Variants in TAB2 observed in about 807,000 individuals in gnomAD.
TAB2 encodes TGF-beta activated kinase 1 (MAP3K7) binding protein 2, also known as TGF-beta-activated kinase 1 and MAP3K7-binding protein 2.
In TAB2, 3 loss-of-function variants were observed where a neutral mutation model predicts 65.0. That is an observed-to-expected ratio of 0.05 (90% CI 0.02 to 0.12). TAB2 has a LOEUF of 0.12. Ranked by LOEUF, TAB2 falls within the 10% of genes least tolerant of loss-of-function variation. The pLI is 1.00. For synonymous variants in TAB2, 298 were observed against 285.1 expected, an observed-to-expected ratio of 1.05 and a Z score of -0.46; for missense variants, 623 against 840.3, an observed-to-expected ratio of 0.74 and a Z score of 3.20.
chr6:149,358,012 A>C (rs1780724168), intron 1 of TAB2, among the ~76,000 whole-genome samples: 1 of 152,132 alleles, frequency 6.6e-6, no homozygotes, highest in South Asian at 2.1e-4. Context: ...TTTCATGTAT[A>C]TCTTTACATG....
chr6:149,260,193 A>G (rs9377201), intron 1 of TAB2, among the ~76,000 whole-genome samples: 25,770 of 152,176 alleles, frequency 0.17, 2,314 homozygotes, highest in East Asian at 0.27. Context: ...CGGCTCAGGC[A>G]CCACCTCATC....
At chr6:149,254,223 C>T (rs1777957452) in intron 1 of TAB2, among the ~76,000 whole-genome samples, 1 of 152,076 alleles carries the variant, frequency 6.6e-6, no homozygotes, top group South Asian at 2.1e-4. Context: ...CAAAGACCTC[C>T]AGGGGAATGA....
intron 1 of TAB2, among the ~76,000 whole-genome samples, chr6:149,300,015 T>C (rs1261388154): frequency 6.6e-6 from 1 of 151,984 alleles, no homozygotes; most frequent in Non-Finnish European, 1.5e-5. Flanking sequence ...AAAAAGAAAT[T>C]TTTTTTTAAA....
chr6:149,378,153 T>G lies in TAB2; in HGVS notation c.238T>G (p.Leu80Val). The change falls in exon 3 of 7, where the codon TTG becomes GTG. Residue 80 changes from leucine (L) to valine (V), a missense_variant. By Grantham distance (32) the Leu-to-Val change is conservative (BLOSUM62 1). This residue lies in a region of TAB2 where 550 missense variants were observed against 665.7 expected (regional missense o/e 0.83). Coordinates refer to ENST00000637181, the MANE Select transcript of TAB2 (RefSeq NM_001292034.3). ...GLRNHMTSLN[L>V]DLQSQNIYHH... is the part of the protein sequence containing the mutation. The stretch of plus-strand genomic sequence containing the variant: ...ACGCAATCACATGACTTCTCTCAAC[T>G]TGGACTTGCAATCACAGAACATTTA... The G allele has an allele frequency of 6.2e-7, 1 of 1,614,200 alleles. No individual in the cohort carries two copies. The highest frequency in any genetic ancestry group is 2.2e-5 in the East Asian group (1 of 44,884).
At chr6:149,270,557 T>G (rs1298500776) in intron 1 of TAB2, among the ~76,000 whole-genome samples, 2 of 152,170 alleles carry the variant, frequency 1.3e-5, no homozygotes. Context: ...CATGAACATG[T>G]TAATTAGCTA....
chr6:149,230,378 A>G (rs1217382340), intron 1 of TAB2, among the ~76,000 whole-genome samples: 1 of 152,106 alleles, frequency 6.6e-6, no homozygotes, highest in Non-Finnish European at 1.5e-5. Context: ...GGACACCCCT[A>G]AGCTCCACAA....
intron 6 of TAB2, among the ~76,000 whole-genome samples, chr6:149,404,762 A>G (rs1386463148): frequency 3.3e-5 from 5 of 152,164 alleles, no homozygotes; most frequent in Non-Finnish European, 5.9e-5. Context: ...ACAAAAATAA[A>G]CTCAAAATGG....
intron 1 of TAB2, among the ~76,000 whole-genome samples, chr6:149,355,050 C>T (rs552517502): frequency 6.6e-6 from 1 of 152,238 alleles, no homozygotes; most frequent in Non-Finnish European, 1.5e-5. Flanking sequence ...GAGGATTCCC[C>T]TCACCAAGTG....
At chr6:149,275,225 G>GGGAGA (rs1778438540) in intron 1 of TAB2, among the ~76,000 whole-genome samples, 2 of 97,442 alleles carry the variant, frequency 2.1e-5, no homozygotes, top group African/African-American at 9.0e-5. Context: ...GGGGGAGGGG[G>GGGAGA]GAGAGAGAGA....
rs561826961 is a variant in TAB2 at position 149,227,870 on chromosome 6, C to T, written c.-121+9094C>T. ...AGGTTGTTTATACTTGGTCTCCTTA[C>T]TTTCTGTGTGTGTTTGAAACTCTTC... is the stretch of plus-strand genomic sequence containing the variant. On this transcript the variant is annotated intron_variant, in intron 1 of 1. Transcript: ENST00000606202. 3.2e-4 allele frequency among the ~76,000 whole-genome samples: 48 copies of T among 152,296 alleles called. No homozygotes were observed. The South Asian group carries it at 5.8e-3, about 18-fold the overall frequency.
chr6:149,226,888 T>A (rs762856055), intron 1 of TAB2, among the ~76,000 whole-genome samples: 1 of 152,224 alleles, frequency 6.6e-6, no homozygotes, highest in Non-Finnish European at 1.5e-5. Flanking sequence ...ATCAACGAAG[T>A]GTTTAGAGCT....
At position 149,378,890 on chromosome 6, in the gene TAB2, G is replaced by T; in HGVS notation, c.975G>T (p.Gln325His). 1 of 1,614,100 alleles carries T rather than the reference G, an allele frequency of 6.2e-7. No individual in the cohort carries two copies. The highest frequency in any genetic ancestry group is 1.1e-5 in the South Asian group (1 of 91,088). Residue 325 changes from glutamine (Q) to histidine (H), a missense_variant, in exon 3 of 7, where the codon CAG becomes CAT. Physicochemically the swap from Gln to His is conservative, Grantham distance 24. This residue lies in a region of TAB2 where 550 missense variants were observed against 665.7 expected (regional missense o/e 0.83). Transcript: ENST00000637181. ...TTTCAACAGGACCTCGAAAAAACCA[G>T]ATTGAAATCAAACTTGAACCCCCAC... ...QNISTGPRKN[Q>H]IEIKLEPPQR...
At chr6:149,269,133 T>C (rs1472583385) in intron 1 of TAB2, among the ~76,000 whole-genome samples, 1 of 152,208 alleles carries the variant, frequency 6.6e-6, no homozygotes, top group African/African-American at 2.4e-5. Flanking sequence ...TTGTTTTTAT[T>C]TAAGGTTGTT....
At chr6:149,269,944 C>T (rs1187851097) in intron 1 of TAB2, among the ~76,000 whole-genome samples, 5 of 152,128 alleles carry the variant, frequency 3.3e-5, no homozygotes, top group Admixed American at 6.5e-5. Context: ...TTTCATTTCA[C>T]GTGGGTAAAT....
intron 2 of TAB2, among the ~76,000 whole-genome samples, chr6:149,370,960 G>A (rs1424244564): frequency 6.8e-6 from 1 of 147,336 alleles, no homozygotes; most frequent in African/African-American, 2.5e-5. Flanking sequence ...CAGCTACTCA[G>A]AAGACTGAAG....
intron 1 of TAB2, among the ~76,000 whole-genome samples, chr6:149,273,530 G>C (rs556895574): frequency 6.6e-6 from 1 of 152,324 alleles, no homozygotes; most frequent in East Asian, 1.9e-4. Context: ...TGTGGAGGCT[G>C]GACCAGAGTG....
intron 1 of TAB2, among the ~76,000 whole-genome samples, chr6:149,364,974 A>G (rs951431166): frequency 7.9e-5 from 12 of 152,086 alleles, no homozygotes; most frequent in Non-Finnish European, 1.6e-4. Context: ...TCTTTAAGAA[A>G]GGAAAGAATA....
chr6:149,303,556 C>T (rs1779007606), intron 1 of TAB2, among the ~76,000 whole-genome samples: 1 of 152,104 alleles, frequency 6.6e-6, no homozygotes, highest in Non-Finnish European at 1.5e-5. Flanking sequence ...GAAGAAAATA[C>T]AGAAGAGTGG....
intron 1 of TAB2, among the ~76,000 whole-genome samples, chr6:149,261,811 C>T (rs1778158742): frequency 6.6e-6 from 1 of 152,192 alleles, no homozygotes; most frequent in Non-Finnish European, 1.5e-5. Context: ...AACTTATAAT[C>T]AACTACATGA....
Sources: allele counts gnomAD v4.1 joint callset (sites outside exome capture counted in the v4.1 genomes callset), GRCh38; gene constraint gnomAD v4.1.1; regional missense constraint gnomAD v4.1.1; transcripts MANE v1.5; gene names NCBI Gene and HGNC (gene_info 2026-07-23, HGNC 2026-07-21).